The following ADGRB3 variants were observed in gnomAD, a reference collection of about 807,000 sequenced individuals.
ADGRB3 encodes adhesion G protein-coupled receptor B3.
ADGRB3 carries 37 observed loss-of-function variants against 193.4 expected under a neutral mutation model. The ratio of observed to expected loss-of-function variants is 0.19; its 90% CI spans 0.15 to 0.25. ADGRB3 has a LOEUF of 0.25. Among genes scored for constraint, ADGRB3 ranks in the 10% least tolerant of loss-of-function variants. The pLI is 1.00. For synonymous variants in ADGRB3, 690 were observed against 644.2 expected (o/e 1.07, Z -1.08); for missense variants, 1,637 against 1,852.9 (o/e 0.88, Z 2.14).
At chr6:69,255,971 A>G (rs1022904272) in intron 20 of ADGRB3, among the ~76,000 whole-genome samples, 3 of 152,050 alleles carry the variant, frequency 2.0e-5, no homozygotes, top group Admixed American at 6.6e-5. Context: ...TCCTTTCCCC[A>G]TTTCTTGTTT....
intron 3 of ADGRB3, among the ~76,000 whole-genome samples, chr6:68,818,174 G>T (rs1048735562): frequency 6.6e-6 from 1 of 152,034 alleles, no homozygotes; most frequent in Non-Finnish European, 1.5e-5. Context: ...TAAACCACAT[G>T]CATGGTTCTA....
rs550746556 is a variant in ADGRB3 at position 68,869,937 on chromosome 6, C to T, written c.758-60622C>T. Among the ~76,000 whole-genome samples the T allele has an allele frequency of 2.2e-4, 33 of 152,232 alleles. 1 individual carries two copies. In the South Asian group the frequency reaches 6.6e-3, roughly 31 times the overall value. On this transcript the variant is annotated intron_variant, in intron 3 of 31. Transcript: ENST00000370598. ...GGGATTATAGGCACAGGCCACCATG[C>T]CTGGCTAATTTTTGTATTTTTAGTA...
At chr6:68,710,880 G>C (rs1268765240) in intron 3 of ADGRB3, among the ~76,000 whole-genome samples, 1 of 152,044 alleles carries the variant, frequency 6.6e-6, no homozygotes, top group African/African-American at 2.4e-5. Flanking sequence ...CTGTGTTCTT[G>C]ACTCCCACGG....
At chr6:69,061,525 G>C (rs1338772185) in intron 15 of ADGRB3, among the ~76,000 whole-genome samples, 1 of 151,890 alleles carries the variant, frequency 6.6e-6, no homozygotes, top group Admixed American at 6.6e-5. Flanking sequence ...TCCACTCTCA[G>C]ATATTCACCT....
At chr6:68,726,944 G>T (rs956902859) in intron 3 of ADGRB3, among the ~76,000 whole-genome samples, 1 of 151,480 alleles carries the variant, frequency 6.6e-6, no homozygotes, top group Non-Finnish European at 1.5e-5. Flanking sequence ...ATCAATGTTG[G>T]AAACTAAGAT....
intron 3 of ADGRB3, among the ~76,000 whole-genome samples, chr6:68,685,131 T>A (rs1419323014): frequency 6.6e-6 from 1 of 152,150 alleles, no homozygotes; most frequent in Non-Finnish European, 1.5e-5. Context: ...CAGACAGAGG[T>A]AGAGTTTCCA....
At chr6:68,915,394 A>G (rs1047319013) in intron 3 of ADGRB3, among the ~76,000 whole-genome samples, 2 of 152,240 alleles carry the variant, frequency 1.3e-5, no homozygotes, top group Non-Finnish European at 2.9e-5. Flanking sequence ...TTAAAAATTC[A>G]TTAAAATGTT....
At chr6:68,881,140 G>A (rs967703143) in intron 3 of ADGRB3, among the ~76,000 whole-genome samples, 5 of 150,872 alleles carry the variant, frequency 3.3e-5, no homozygotes, top group Middle Eastern at 3.4e-3. Flanking sequence ...CTTAACCCAG[G>A]TATACCCCCA....
chr6:68,708,107 A>G (rs1765355304), intron 3 of ADGRB3, among the ~76,000 whole-genome samples: 2 of 152,132 alleles, frequency 1.3e-5, no homozygotes, highest in African/African-American at 4.8e-5. Flanking sequence ...GGTCCATGAA[A>G]TTTTCAGGTA....
chr6:69,318,757 A>G (rs957115774), intron 20 of ADGRB3, among the ~76,000 whole-genome samples: 4 of 151,020 alleles, frequency 2.6e-5, no homozygotes, highest in African/African-American at 9.7e-5. Flanking sequence ...ACTCCATTTT[A>G]TCTGTTATTA....
intron 16 of ADGRB3, among the ~76,000 whole-genome samples, chr6:69,069,553 CAAAAA>C (rs57616226): frequency 1.0e-3 from 32 of 31,784 alleles, no homozygotes; most frequent in Admixed American, 6.1e-3. Flanking sequence ...ACTAAAAATA[CAAAAA>C]AAAAAAAAAA....
In ADGRB3 at chr6:69,090,683, T is replaced by G. The variant is rs140549985; in HGVS notation, c.2480+14645T>G. ...CGGCCACAAAGTCAAATAAAGATCA[T>G]GGTTTTCATTAGCAAAGGGCTATAC... On this transcript the variant is annotated intron_variant, in intron 17 of 31. Coordinates refer to ENST00000370598, the MANE Select transcript of ADGRB3 (RefSeq NM_001704.3). 9.4e-3 allele frequency among the ~76,000 whole-genome samples: 1,427 copies of G among 152,280 alleles called. 24 individuals carry two copies. Among genetic ancestry groups the G allele is most frequent in the African/African-American group, 0.033 (1,362 of 41,562 alleles).
intron 3 of ADGRB3, among the ~76,000 whole-genome samples, chr6:68,709,822 G>A (rs1010632941): frequency 4.6e-5 from 7 of 152,190 alleles, no homozygotes; most frequent in South Asian, 4.2e-4. Context: ...TATTTCTCTT[G>A]AAGAACAACT....
At chr6:69,168,888 T>A (rs1582514526) in intron 17 of ADGRB3, among the ~76,000 whole-genome samples, 1 of 152,128 alleles carries the variant, frequency 6.6e-6, no homozygotes, top group African/African-American at 2.4e-5. Context: ...CAAAATTTTT[T>A]AAATAAAAGT....
rs977985229 is a variant in ADGRB3 at position 69,128,630 on chromosome 6, T to C, written c.2480+52592T>C. On this transcript the variant is annotated intron_variant, in intron 17 of 31. Transcript: ENST00000370598. Reference sequence around the variant, plus strand: ...AGGCTCAAAGCCAAGCAATCTATTTTTAGTACTTTCTCAACGAGCCACACA... The same window carrying C: ...AGGCTCAAAGCCAAGCAATCTATTTCTAGTACTTTCTCAACGAGCCACACA... Among the ~76,000 whole-genome samples the C allele has an allele frequency of 5.3e-5, 8 of 152,280 alleles. No homozygotes were observed. The South Asian group carries it at 1.7e-3, about 32-fold the overall frequency.
At chr6:69,207,667 A>T (rs1004214188) in intron 17 of ADGRB3, among the ~76,000 whole-genome samples, 1 of 152,190 alleles carries the variant, frequency 6.6e-6, no homozygotes, top group Admixed American at 6.5e-5. Flanking sequence ...CATAGTTAGC[A>T]TTGTAATTGT....
At chr6:69,209,382 C>T (rs546931173) in intron 17 of ADGRB3, among the ~76,000 whole-genome samples, 2 of 152,200 alleles carry the variant, frequency 1.3e-5, no homozygotes, top group African/African-American at 4.8e-5. Context: ...TCTCAACAGA[C>T]CCCACACCAA....
At chr6:68,715,516 G>C (rs1366459858) in intron 3 of ADGRB3, among the ~76,000 whole-genome samples, 1 of 151,702 alleles carries the variant, frequency 6.6e-6, no homozygotes, top group Non-Finnish European at 1.5e-5. Flanking sequence ...ACCAATAAGT[G>C]ATGTACCCAT....
At chr6:69,088,460 C>G (rs571703013) in intron 17 of ADGRB3, among the ~76,000 whole-genome samples, 2 of 152,120 alleles carry the variant, frequency 1.3e-5, no homozygotes, top group Admixed American at 1.3e-4. Context: ...ACAACTTCTA[C>G]CTCCCGGGTT....
Sources: gnomAD v4.1 joint callset for allele counts (sites outside exome capture counted in the v4.1 genomes callset) on GRCh38, gnomAD v4.1.1 for gene constraint, MANE v1.5 for transcripts, NCBI Gene and HGNC (gene_info 2026-07-23, HGNC 2026-07-21) for gene names.